XPNPEP3: variants seen among roughly 807,000 people sequenced by gnomAD.
The protein encoded by XPNPEP3 is xaa-Pro aminopeptidase 3.
Under a neutral mutation model 60.0 loss-of-function variants are expected in XPNPEP3, and 41 were observed. That is an observed-to-expected ratio of 0.68 (90% CI 0.53 to 0.89). XPNPEP3 has a LOEUF of 0.89. Among genes scored for constraint, XPNPEP3 ranks in the 40% least tolerant of loss-of-function variants. The pLI, the probability that XPNPEP3 is intolerant of heterozygous loss-of-function variation, is 0.00. For synonymous variants in XPNPEP3, 212 were observed against 223.2 expected (o/e 0.95, Z 0.45); for missense variants, 598 against 638.9 (o/e 0.94, Z 0.69).
chr22:40,914,540 T>A (rs2058188804), intron 7 of XPNPEP3, among the ~76,000 whole-genome samples: 1 of 128,814 alleles, frequency 7.8e-6, no homozygotes, highest in African/African-American at 3.0e-5. Context: ...GATTTTTTTT[T>A]TTTTTTTTTT....
intron 4 of XPNPEP3, among the ~76,000 whole-genome samples, chr22:40,891,219 A>G (rs1601504775): frequency 6.7e-6 from 1 of 149,524 alleles, no homozygotes; most frequent in East Asian, 2.0e-4. Flanking sequence ...AATTAGCTGC[A>G]TGTGGTGGCA....
chr22:40,873,380 T>C (rs1214937628), intron 2 of XPNPEP3, among the ~76,000 whole-genome samples: 3 of 151,598 alleles, frequency 2.0e-5, no homozygotes, highest in Non-Finnish European at 4.4e-5. Flanking sequence ...TGGGATTACA[T>C]GCGTGAGCCA....
At position 40,927,819 on chromosome 22, in the gene XPNPEP3, G is replaced by A. The variant is rs1010242991; in HGVS notation, c.*1384G>A. 39 of 146,544 alleles carry A rather than the reference G, an allele frequency of 2.7e-4. No individual in the cohort carries two copies. Among genetic ancestry groups the A allele is most frequent in the African/African-American group, 9.3e-4 (37 of 39,760 alleles). 9.1% of individuals were successfully genotyped at this position (146,544 alleles called of 1,614,324 possible). A position where few individuals can be genotyped will look rare whatever the true frequency, so the allele number is the denominator to read the frequency against. On this transcript the variant is annotated 3_prime_UTR_variant, in exon 10 of 10. Coordinates refer to ENST00000357137, the MANE Select transcript of XPNPEP3 (RefSeq NM_022098.4). ...GAACCCAGAAGGCAGAGCTTGCAGT[G>A]AGCCAAGATCGCGCCACTGCACTCC...
At chr22:40,861,338 C>T (rs1433100019) in intron 1 of XPNPEP3, 3 of 1,614,120 alleles carry the variant, frequency 1.9e-6, no homozygotes, top group Non-Finnish European at 2.5e-6. Flanking sequence ...GAAAAAATGT[C>T]AACTCTCCAT....
chr22:40,888,252 T>A (rs1157562816), intron 4 of XPNPEP3, among the ~76,000 whole-genome samples: 1 of 152,160 alleles, frequency 6.6e-6, no homozygotes, highest in African/African-American at 2.4e-5. Context: ...AGAATTTCAC[T>A]TTTGTTTTTT....
At chr22:40,911,336 T>C (rs1729019754) in intron 6 of XPNPEP3, among the ~76,000 whole-genome samples, 1 of 152,156 alleles carries the variant, frequency 6.6e-6, no homozygotes, top group Non-Finnish European at 1.5e-5. Flanking sequence ...TCTTATGCTG[T>C]CTTTTTCTGG....
intron 1 of XPNPEP3, chr22:40,860,025 TGTG>T (rs1275080362): frequency 6.6e-6 from 1 of 152,176 alleles, no homozygotes; most frequent in Non-Finnish European, 1.5e-5. Flanking sequence ...TTAAAAAAAA[TGTG>T]GTAAAATATA....
At chr22:40,901,096 TA>T in intron 4 of XPNPEP3, among the ~76,000 whole-genome samples, 1 of 150,926 alleles carries the variant, frequency 6.6e-6, no homozygotes. Context: ...CTCTTTTTAT[TA>T]AAAAAAAAGA....
At position 40,928,295 on chromosome 22, in the gene XPNPEP3, C is replaced by T. The variant is rs1182354182; in HGVS notation, c.*1860C>T. 1 of 151,684 alleles carries T rather than the reference C, an allele frequency of 6.6e-6. No individual in the cohort carries two copies. Among genetic ancestry groups the T allele is most frequent in the Non-Finnish European group, 1.5e-5 (1 of 67,978 alleles). 9.4% of individuals were successfully genotyped at this position (151,684 alleles called of 1,614,324 possible). Reference sequence around the variant, plus strand: ...AATCTCAGCTCACTACAACCTCCACCACCTGGGTTCAGGCAATTCTCCTGC... The same window carrying T: ...AATCTCAGCTCACTACAACCTCCACTACCTGGGTTCAGGCAATTCTCCTGC... On this transcript the variant is annotated 3_prime_UTR_variant, in exon 10 of 10. Coordinates refer to ENST00000357137, the MANE Select transcript of XPNPEP3 (RefSeq NM_022098.4).
At chr22:40,905,678 G>A (rs2058151996) in intron 4 of XPNPEP3, among the ~76,000 whole-genome samples, 1 of 152,208 alleles carries the variant, frequency 6.6e-6, no homozygotes, top group Non-Finnish European at 1.5e-5. Flanking sequence ...TTTGAGGAAA[G>A]ATTTGAATGA....
At chr22:40,886,857 A>G (rs150588469) in intron 4 of XPNPEP3, among the ~76,000 whole-genome samples, 1 of 152,026 alleles carries the variant, frequency 6.6e-6, no homozygotes, top group African/African-American at 2.4e-5. Flanking sequence ...GAAAAAAAGA[A>G]AAAGTTTTTT....
intron 4 of XPNPEP3, among the ~76,000 whole-genome samples, chr22:40,902,900 G>A (rs769960188): frequency 6.6e-6 from 1 of 152,180 alleles, no homozygotes; most frequent in Non-Finnish European, 1.5e-5. Flanking sequence ...GTAAGGGCTT[G>A]GTGGTTCTCT....
intron 1 of XPNPEP3, chr22:40,861,971 T>C: frequency 6.2e-7 from 1 of 1,601,234 alleles, no homozygotes; most frequent in South Asian, 1.1e-5. Flanking sequence ...TTTGCAGTCC[T>C]AGAACTTCAT....
intron 1 of XPNPEP3, among the ~76,000 whole-genome samples, chr22:40,857,834 G>A (rs1569009631): frequency 2.0e-5 from 3 of 152,152 alleles, no homozygotes; most frequent in African/African-American, 7.2e-5. Flanking sequence ...CCTTGCAGGC[G>A]GATCTGCCAT....
rs374287698 is a variant in XPNPEP3, at chr22:40,861,105, C to T, written c.64+3860C>T. On this transcript the variant is annotated intron_variant, in intron 1 of 9. Transcript: ENST00000357137. ...GGTAGACTTCTTTTGCACCTCTTTA[C>T]GCTTCTTTTTTTTCCTCTTACCACC... The T allele has an allele frequency of 6.2e-6, 10 of 1,610,386 alleles. No homozygotes were observed. Among genetic ancestry groups the T allele is most frequent in the Admixed American group, 5.1e-5 (3 of 59,136 alleles).
intron 2 of XPNPEP3, among the ~76,000 whole-genome samples, chr22:40,873,684 C>CT (rs2058016802): frequency 6.6e-6 from 1 of 152,024 alleles, no homozygotes; most frequent in African/African-American, 2.4e-5. Context: ...ATAATCCCAG[C>CT]ACTTTGGGAA....
At chr22:40,863,113 A>G (rs566186582) in intron 1 of XPNPEP3, among the ~76,000 whole-genome samples, 1 of 152,298 alleles carries the variant, frequency 6.6e-6, no homozygotes, top group East Asian at 1.9e-4. Context: ...GGGCTGTTGG[A>G]CATAAAGCTA....
chr22:40,869,783 T>A (rs898342225), intron 2 of XPNPEP3, among the ~76,000 whole-genome samples: 3 of 152,234 alleles, frequency 2.0e-5, no homozygotes, highest in African/African-American at 7.2e-5. Context: ...TTTCTTGCAC[T>A]TAAGGGGTGA....
chr22:40,919,731 A>G (rs549933699), intron 7 of XPNPEP3, among the ~76,000 whole-genome samples: 1 of 152,354 alleles, frequency 6.6e-6, no homozygotes, highest in South Asian at 2.1e-4. Context: ...GGACATTCAT[A>G]ACAGCATTTA....
Sources: gnomAD v4.1 joint callset for allele counts (sites outside exome capture counted in the v4.1 genomes callset) on GRCh38, gnomAD v4.1.1 for gene constraint, MANE v1.5 for transcripts, NCBI Gene and HGNC (gene_info 2026-07-23, HGNC 2026-07-21) for gene names.